The following BRD8 variants were observed in gnomAD, a reference collection of about 807,000 sequenced individuals.
BRD8 encodes bromodomain-containing protein 8.
BRD8 carries 67 observed loss-of-function variants against 143.1 expected under a neutral mutation model. The observed-to-expected ratio is 0.47, with a 90% CI of 0.38 to 0.57. The LOEUF (loss-of-function observed/expected upper bound fraction) is 0.57, where lower values mean the gene tolerates loss of function less well. Ranked by LOEUF, BRD8 falls within the 20% of genes least tolerant of loss-of-function variation. The pLI, the probability that BRD8 is intolerant of heterozygous loss-of-function variation, is 0.00. For synonymous variants in BRD8, 505 were observed against 517.1 expected, an observed-to-expected ratio of 0.98 and a Z score of 0.32; for missense variants, 1,103 against 1,503.0, an observed-to-expected ratio of 0.73 and a Z score of 4.40.
At chr5:138,150,192 A>G (rs993750128) in intron 22 of BRD8, among the ~76,000 whole-genome samples, 1 of 149,206 alleles carries the variant, frequency 6.7e-6, no homozygotes, top group African/African-American at 2.5e-5. Flanking sequence ...ATCATGGCTC[A>G]CTGCAGCCTT....
At chr5:138,177,393 T>A in intron 2 of BRD8, 178 bp downstream of exon 2, 1 of 438,006 alleles carries the variant, frequency 2.3e-6, no homozygotes, top group Non-Finnish European at 4.2e-6. Context: ...TAGCTGGGCG[T>A]GTCCGCACCA....
In BRD8 at chr5:138,159,629, G is replaced by A. The variant is rs747522557; in HGVS notation, c.2533-30C>T. 7.4e-6 allele frequency: 12 copies of A among 1,611,754 alleles called. No individual in the cohort carries two copies. The South Asian group carries it at 1.2e-4, about 16-fold the overall frequency. Reference sequence around the variant, plus strand: ...TAGAGGACAAACAAACACTGATCAGGTTCCACAGAAACTCTCAGCCACAAG... The same window carrying A: ...TAGAGGACAAACAAACACTGATCAGATTCCACAGAAACTCTCAGCCACAAG... On this transcript the variant is annotated intron_variant, in intron 19 of 26. Coordinates refer to ENST00000254900, the MANE Select transcript of BRD8 (RefSeq NM_139199.2).
intron 20 of BRD8, among the ~76,000 whole-genome samples, chr5:138,154,830 C>CTTT (rs200415636): frequency 5.6e-4 from 77 of 137,410 alleles, no homozygotes; most frequent in African/African-American, 1.9e-3. Flanking sequence ...AAGTTCATAA[C>CTTT]TTTTTTTTTT....
intron 23 of BRD8, among the ~76,000 whole-genome samples, chr5:138,148,666 G>A (rs142912125): frequency 0.02 from 3,105 of 152,006 alleles, 93 homozygotes; most frequent in African/African-American, 0.069. Context: ...ACTGCGCCTG[G>A]CCTAATTTTT....
intron 24 of BRD8, 55 bp downstream of exon 24, chr5:138,145,734 T>A (rs552477382): frequency 1.4e-6 from 2 of 1,446,766 alleles, no homozygotes; most frequent in South Asian, 2.3e-5. Flanking sequence ...TAAACCCCAA[T>A]ATGTATTACT....
chr5:138,172,204 G>T, intron 2 of BRD8, 70 bp from the exon 3 acceptor site: 1 of 1,268,982 alleles, frequency 7.9e-7, no homozygotes, highest in Non-Finnish European at 1.1e-6. Context: ...GAGAGTGCAA[G>T]GCTTGGAGTT....
At chr5:138,171,452 G>A in intron 3 of BRD8, 42 bp from the exon 4 acceptor site, 1 of 1,290,092 alleles carries the variant, frequency 7.8e-7, no homozygotes, top group Non-Finnish European at 1.1e-6. Context: ...GATGAGCAAG[G>A]CTGGAAAGAA....
chr5:138,140,530 C>G (rs965824279), intron 26 of BRD8, 175 bp downstream of exon 26: 28 of 711,076 alleles, frequency 3.9e-5, no homozygotes, highest in Non-Finnish European at 3.2e-5. Context: ...ACTATCAGAG[C>G]TGGACTTACT....
rs200519958 is a variant in BRD8 at position 138,170,385 on chromosome 5, C to T, written c.465G>A (p.Glu155=). The T allele has an allele frequency of 5.6e-6, 9 of 1,614,116 alleles. No individual in the cohort carries two copies. The Admixed American group carries it at 1.3e-4, about 24-fold the overall frequency. ...IATKKKLEEE[E]AEVKRKATDA... is the part of the protein sequence containing the mutation. The stretch of plus-strand genomic sequence containing the variant: ...CTGTAGCCTTCCTCTTTACTTCAGC[C>T]TCCTCTTCTTCCAATTTCTTTTTCC... Residue 155 remains glutamate (E), a synonymous_variant, in exon 7 of 27, where the codon GAG becomes GAA. Transcript: ENST00000254900.
intron 18 of BRD8, 130 bp from the exon 19 acceptor site, chr5:138,160,303 A>T (rs1424294329): frequency 1.2e-5 from 8 of 658,146 alleles, no homozygotes; most frequent in Non-Finnish European, 2.1e-5. Flanking sequence ...GACTGATTGG[A>T]AGTTTAGCAT....
chr5:138,156,433 C>T (rs958665957), intron 20 of BRD8, among the ~76,000 whole-genome samples: 6 of 152,248 alleles, frequency 3.9e-5, no homozygotes, highest in East Asian at 3.9e-4. Flanking sequence ...CCACCACGCC[C>T]GGCCGCCAAG....
chr5:138,162,267 A>G (rs1753053826), intron 15 of BRD8, 121 bp from the exon 16 acceptor site: 5 of 719,196 alleles, frequency 7.0e-6, no homozygotes, highest in Non-Finnish European at 6.8e-6. Context: ...TGGCATGATC[A>G]TGTTCATTGC....
At chr5:138,148,744 T>C (rs905601000) in intron 23 of BRD8, among the ~76,000 whole-genome samples, 1 of 152,042 alleles carries the variant, frequency 6.6e-6, no homozygotes, top group East Asian at 1.9e-4. Flanking sequence ...TTCAAGTTCA[T>C]AAAATCTATT....
At chr5:138,159,520 G>A in intron 20 of BRD8, 35 bp downstream of exon 20, 1 of 1,610,146 alleles carries the variant, frequency 6.2e-7, no homozygotes, top group Non-Finnish European at 8.5e-7. Flanking sequence ...GAATCTTTGT[G>A]GCAACACCAC....
rs755421084 is a variant in BRD8, at chr5:138,152,624, TCA to T, written c.2712_2713del (p.Glu905GlyfsTer5). On this transcript the variant is annotated frameshift_variant, in exon 21 of 27. Coordinates refer to ENST00000254900, the MANE Select transcript of BRD8 (RefSeq NM_139199.2). LOFTEE classifies it high-confidence loss of function. ...CTCTAGTTCCTCAGCCTCTGGATCCTCAGTTTCCCTCCAGTTGCCCACATCAA... is the reference window on the plus strand; with the variant it reads ...CTCTAGTTCCTCAGCCTCTGGATCCTGTTTCCCTCCAGTTGCCCACATCAA... 35 of 1,614,068 alleles carry T rather than the reference TCA, an allele frequency of 2.2e-5. No homozygotes were observed. The South Asian group carries it at 3.8e-4, about 18-fold the overall frequency.
At chr5:138,168,118 T>C (rs750946524) in intron 8 of BRD8, 40 bp from the exon 9 acceptor site, 2 of 1,503,878 alleles carry the variant, frequency 1.3e-6, no homozygotes, top group Admixed American at 1.9e-5. Flanking sequence ...CACTCAAGCT[T>C]TCCTTCACTA....
At chr5:138,160,768 A>G in intron 18 of BRD8, 123 bp downstream of exon 18, 1 of 794,902 alleles carries the variant, frequency 1.3e-6, no homozygotes. Context: ...TTATGTTTTC[A>G]ATTGTGTCCC....
intron 25 of BRD8, among the ~76,000 whole-genome samples, chr5:138,142,759 CAAAAAA>C (rs35529846): frequency 2.4e-5 from 2 of 83,844 alleles, no homozygotes; most frequent in African/African-American, 4.7e-5. Context: ...AAGACTGTCT[CAAAAAA>C]AAAAAAAAAA....
chr5:138,170,938 G>C (rs771016340), intron 5 of BRD8, 26 bp from the exon 6 acceptor site: 1 of 1,612,768 alleles, frequency 6.2e-7, no homozygotes, highest in East Asian at 2.2e-5. Flanking sequence ...GAGGTAGGTA[G>C]ACTGGGTTTT....
Sources: gnomAD v4.1 joint callset for allele counts (sites outside exome capture counted in the v4.1 genomes callset) on GRCh38, gnomAD v4.1.1 for gene constraint, MANE v1.5 for transcripts, NCBI Gene and HGNC (gene_info 2026-07-23, HGNC 2026-07-21) for gene names.